Variants in CFAP54 observed in about 807,000 individuals in gnomAD.
CFAP54 encodes cilia- and flagella-associated protein 54.
CFAP54 carries 290 observed loss-of-function variants against 370.4 expected under a neutral mutation model. The observed-to-expected ratio is 0.78, with a 90% CI of 0.71 to 0.86. The LOEUF is 0.86. Among genes scored for constraint, CFAP54 ranks in the 40% least tolerant of loss-of-function variants. The pLI is 0.00. For missense variants in CFAP54, 3,399 were observed against 3,528.7 expected (o/e 0.96, Z 0.93); for synonymous variants, 1,206 against 1,236.5 (o/e 0.98, Z 0.52).
intron 41 of CFAP54, 101 bp downstream of exon 41, chr12:96,684,836 C>T: frequency 1.8e-6 from 2 of 1,087,370 alleles, no homozygotes; most frequent in Non-Finnish European, 1.3e-6. Flanking sequence ...AATTTTAGTT[C>T]TTCAACAATA....
intron 23 of CFAP54, among the ~76,000 whole-genome samples, chr12:96,591,153 C>T (rs1956119594): frequency 6.6e-6 from 1 of 152,058 alleles, no homozygotes; most frequent in Non-Finnish European, 1.5e-5. Flanking sequence ...GTGAAAGTAT[C>T]ACCAAAGAGG....
intron 4 of CFAP54, among the ~76,000 whole-genome samples, chr12:96,511,055 A>G (rs973152952): frequency 2.6e-5 from 4 of 151,918 alleles, no homozygotes; most frequent in African/African-American, 9.7e-5. Flanking sequence ...AGCTGTTATT[A>G]GTCGAGTGGT....
At chr12:96,524,824 A>G (rs1187656535) in intron 8 of CFAP54, among the ~76,000 whole-genome samples, 2 of 152,218 alleles carry the variant, frequency 1.3e-5, no homozygotes, top group African/African-American at 4.8e-5. Context: ...TCATCCTGAC[A>G]TTTTAAATAA....
intron 36 of CFAP54, among the ~76,000 whole-genome samples, chr12:96,655,541 T>G (rs12581350): frequency 0.25 from 38,352 of 152,054 alleles, 5,580 homozygotes; most frequent in East Asian, 0.49. Context: ...CTGGAATCAG[T>G]TAGAATACTT....
In CFAP54 at chr12:96,691,214, A is replaced by G. The variant is rs1297262437; in HGVS notation, c.6168A>G (p.Glu2056=). ...YEITQLLPGI[E]LFSDRYRADI... ...TCACTCAGCTTCTCCCAGGCATTGA[A>G]CTCTTCTCAGATAGATACAGGGCTG... Residue 2056 remains glutamate, a synonymous_variant, in exon 44 of 68, where the codon GAA becomes GAG. Coordinates refer to ENST00000524981, the MANE Select transcript of CFAP54 (RefSeq NM_001306084.2). The G allele has an allele frequency of 6.2e-7, 1 of 1,613,404 alleles. No homozygotes were observed. The highest frequency in any genetic ancestry group is 1.3e-5 in the African/African-American group (1 of 74,966).
chr12:96,656,058 G>A (rs1956919324), intron 36 of CFAP54, among the ~76,000 whole-genome samples: 1 of 152,006 alleles, frequency 6.6e-6, no homozygotes, highest in African/African-American at 2.4e-5. Context: ...TGGGTACATG[G>A]GCTTCATTAT....
rs1222404395 is a variant in CFAP54, at chr12:96,829,014, G to A, written c.9097G>A (p.Asp3033Asn). 3 of 1,484,580 alleles carry A rather than the reference G, an allele frequency of 2.0e-6. No homozygotes were observed. The South Asian group carries it at 3.7e-5, about 18-fold the overall frequency. The allele number at this position is 1,484,580 out of a possible 1,614,324, so 92.0% of individuals were successfully genotyped here. The change falls in exon 66 of 68, where the codon GAC becomes AAC. Residue 3033 changes from aspartate (D) to asparagine (N), a missense_variant and splice_region_variant. This residue lies in a region of CFAP54 where 2,796 missense variants were observed against 2,869.7 expected (regional missense o/e 0.97). Transcript: ENST00000524981. The stretch of plus-strand genomic sequence containing the variant: ...TGTATTACTATCTTCTTATTTCTAG[G>A]ACATGATTATTCAATGTTGCTCTGA... ...EEESVDNEME[D>N]MIIQCCSEIA...
chr12:96,520,730 G>A (rs947959186), intron 6 of CFAP54, among the ~76,000 whole-genome samples: 2 of 152,206 alleles, frequency 1.3e-5, no homozygotes, highest in Admixed American at 6.5e-5. Context: ...GGTATGTGGG[G>A]CGTAAGCTGG....
intron 26 of CFAP54, among the ~76,000 whole-genome samples, chr12:96,606,860 A>G (rs142321440): frequency 1.0e-3 from 152 of 152,302 alleles, no homozygotes; most frequent in East Asian, 3.9e-3. Flanking sequence ...AAAGGCTTTC[A>G]TTGACAGAAT....
At chr12:96,515,916 T>G (rs986397149) in intron 5 of CFAP54, among the ~76,000 whole-genome samples, 12 of 118,416 alleles carry the variant, frequency 1.0e-4, no homozygotes, top group Non-Finnish European at 1.7e-4. Flanking sequence ...CTCTATGTTT[T>G]TTTTTTTTTT....
At chr12:96,844,904 C>T (rs889898853) in intron 66 of CFAP54, among the ~76,000 whole-genome samples, 13 of 152,194 alleles carry the variant, frequency 8.5e-5, no homozygotes, top group Non-Finnish European at 5.9e-5. Flanking sequence ...TCCCTTGGCT[C>T]AGTGCTCTCT....
chr12:96,702,412 G>A (rs1957502111), intron 46 of CFAP54, among the ~76,000 whole-genome samples: 1 of 152,144 alleles, frequency 6.6e-6, no homozygotes, highest in Admixed American at 6.5e-5. Flanking sequence ...AGCTGGGGAT[G>A]AGGCAGATAG....
intron 65 of CFAP54, among the ~76,000 whole-genome samples, chr12:96,819,634 T>A (rs2136738755): frequency 6.6e-6 from 1 of 152,336 alleles, no homozygotes; most frequent in Non-Finnish European, 1.5e-5. Flanking sequence ...GTTATGACCC[T>A]GTAAATGATG....
intron 22 of CFAP54, among the ~76,000 whole-genome samples, chr12:96,582,804 T>C (rs545085821): frequency 1.3e-5 from 2 of 152,308 alleles, no homozygotes; most frequent in African/African-American, 4.8e-5. Flanking sequence ...TGCAGTTCTG[T>C]AGTTTATTTA....
chr12:96,601,214 T>C (rs925208020), intron 26 of CFAP54, among the ~76,000 whole-genome samples: 2 of 152,230 alleles, frequency 1.3e-5, no homozygotes, highest in African/African-American at 2.4e-5. Flanking sequence ...ATTGAGATAA[T>C]CATGTGGTTT....
chr12:96,645,206 T>C (rs962797867), intron 33 of CFAP54: 4 of 456,124 alleles, frequency 8.8e-6, no homozygotes, highest in Admixed American at 2.4e-5. Context: ...CTGTGAGAGA[T>C]AAAAATAGAA....
chr12:96,650,521 G>A (rs915063452), intron 35 of CFAP54, among the ~76,000 whole-genome samples: 1 of 151,834 alleles, frequency 6.6e-6, no homozygotes, highest in Admixed American at 6.6e-5. Flanking sequence ...CCTTGCCCCC[G>A]GTCTCCTTCT....
At chr12:96,751,393 A>G (rs1958181544) in intron 55 of CFAP54, among the ~76,000 whole-genome samples, 1 of 152,168 alleles carries the variant, frequency 6.6e-6, no homozygotes, top group Non-Finnish European at 1.5e-5. Flanking sequence ...AATCTAGAAG[A>G]CAATTCAAGT....
At chr12:96,864,451 C>T (rs942473500) in intron 67 of CFAP54, among the ~76,000 whole-genome samples, 12 of 152,290 alleles carry the variant, frequency 7.9e-5, no homozygotes, top group Middle Eastern at 3.4e-3. Context: ...GTTCACTTCA[C>T]GCATAGGCAC....
Sources: allele counts gnomAD v4.1 joint callset (sites outside exome capture counted in the v4.1 genomes callset), GRCh38; gene constraint gnomAD v4.1.1; regional missense constraint gnomAD v4.1.1; transcripts MANE v1.5; gene names NCBI Gene and HGNC (gene_info 2026-07-23, HGNC 2026-07-21).